Variants in ARHGEF38 observed in about 807,000 individuals in gnomAD.
ARHGEF38 encodes the protein Rho guanine nucleotide exchange factor 38, also known as Rho guanine nucleotide exchange factor (GEF) 38.
A neutral mutation model predicts 79.9 loss-of-function variants in ARHGEF38; 79 were observed. That is an observed-to-expected ratio of 0.99 (90% CI 0.82 to 1.19). ARHGEF38 has a LOEUF of 1.19. ARHGEF38 is among the 50% of genes most tolerant of loss of function. The pLI, the probability that ARHGEF38 is intolerant of heterozygous loss-of-function variation, is 0.00. For synonymous variants in ARHGEF38, 366 were observed against 328.3 expected, an observed-to-expected ratio of 1.11 and a Z score of -1.24; for missense variants, 962 against 907.2, an observed-to-expected ratio of 1.06 and a Z score of -0.78.
intron 13 of ARHGEF38, among the ~76,000 whole-genome samples, chr4:105,676,614 T>A (rs535270182): frequency 2.6e-4 from 39 of 152,356 alleles, no homozygotes; most frequent in South Asian, 2.3e-3. Context: ...ATGATTTTGT[T>A]GGAAGAATAA....
chr4:105,552,894 T>TG lies in ARHGEF38; in HGVS notation c.133dup (p.Asp45GlyfsTer12). The TG allele has an allele frequency of 6.2e-7, 1 of 1,613,938 alleles. No homozygotes were observed. The highest frequency in any genetic ancestry group is 1.3e-5 in the African/African-American group (1 of 75,032). ...ACACTGTGGTTGAGAGCAGTGTTTC[T>TG]GGGGACCACTCTGGCACCTTGAGGA... is the stretch of plus-strand genomic sequence containing the variant. On this transcript the variant is annotated frameshift_variant, in exon 1 of 14. Transcript: ENST00000420470. LOFTEE classifies it high-confidence loss of function.
intron 10 of ARHGEF38, 62 bp downstream of exon 10, chr4:105,659,427 C>A: frequency 1.4e-6 from 2 of 1,452,626 alleles, no homozygotes; most frequent in Non-Finnish European, 1.8e-6. Flanking sequence ...AGAAACCACA[C>A]CCATACGAAA....
At position 105,589,264 on chromosome 4, in the gene ARHGEF38, G is replaced by C. The variant is rs1727204641; in HGVS notation, c.213G>C (p.Gln71His). The C allele has an allele frequency of 1.2e-6, 2 of 1,613,184 alleles. No individual in the cohort carries two copies. The highest frequency in any genetic ancestry group is 3.3e-4 in the Middle Eastern group (2 of 6,056). Residue 71 changes from glutamine (Q) to histidine (H), a missense_variant, in exon 2 of 14, where the codon CAG (glutamine) becomes CAC (histidine). Physicochemically the swap from Gln to His is conservative, Grantham distance 24 (BLOSUM62 0). Coordinates refer to ENST00000420470, the MANE Select transcript of ARHGEF38 (RefSeq NM_001242729.2). ...ATTTAACAGAAAAGATGACTCCACA[G>C]GGTGAGTGTTCTGTAGCTGAGACCT... ...NQKLQEKMTP[Q>H]GECSVAETLT...
intron 10 of ARHGEF38, among the ~76,000 whole-genome samples, chr4:105,659,789 T>G (rs1270710440): frequency 2.0e-5 from 3 of 151,960 alleles, no homozygotes; most frequent in African/African-American, 7.3e-5. Flanking sequence ...AGATGCAGGA[T>G]AACATTCAAA....
At chr4:105,626,561 G>A (rs1041685975) in intron 3 of ARHGEF38, among the ~76,000 whole-genome samples, 1 of 152,106 alleles carries the variant, frequency 6.6e-6, no homozygotes, top group Non-Finnish European at 1.5e-5. Flanking sequence ...GTCGACTCCA[G>A]TGCACTCTCT....
intron 7 of ARHGEF38, among the ~76,000 whole-genome samples, chr4:105,652,067 C>T (rs577894819): frequency 2.6e-4 from 40 of 152,316 alleles, no homozygotes; most frequent in Middle Eastern, 3.4e-3. Context: ...GCAGAGCCAG[C>T]TGCAAGGGAG....
Position 105,580,091 on chromosome 4 carries a change from A to G in ARHGEF38, c.197-9157A>G, listed in dbSNP as rs551122636. On this transcript the variant is annotated intron_variant, in intron 1 of 13. Transcript: ENST00000420470. ...GGTATTACCTCTTTTGCCATTGCCA[A>G]TTGTGTTCATTTGGATCTTTTTTCT... Among the ~76,000 whole-genome samples the G allele has an allele frequency of 1.1e-4, 12 of 106,988 alleles. No individual in the cohort carries two copies. In the East Asian group the frequency reaches 2.4e-3, roughly 21 times the overall value. 70.2% of individuals were successfully genotyped at this position (106,988 alleles called of 152,430 possible).
At chr4:105,651,739 C>G (rs1730113678) in intron 7 of ARHGEF38, among the ~76,000 whole-genome samples, 1 of 152,116 alleles carries the variant, frequency 6.6e-6, no homozygotes, top group Non-Finnish European at 1.5e-5. Flanking sequence ...GCTGCAGCCT[C>G]AAACTCCTGG....
chr4:105,663,767 C>T (rs1277468729), intron 10 of ARHGEF38, among the ~76,000 whole-genome samples: 1 of 152,056 alleles, frequency 6.6e-6, no homozygotes, highest in African/African-American at 2.4e-5. Flanking sequence ...GCCGAGAGTT[C>T]AAGACCAGCC....
At position 105,553,007 on chromosome 4, in the gene ARHGEF38, C is replaced by T. The variant is rs1301972084; in HGVS notation, c.196+46C>T. Reference sequence around the variant, plus strand: ...TGTCCCAGTTACTGCACTCCCAGCTCCATTTCTGCTACGTTTCCAATTGCA... The same window carrying T: ...TGTCCCAGTTACTGCACTCCCAGCTTCATTTCTGCTACGTTTCCAATTGCA... On this transcript the variant is annotated intron_variant, in intron 1 of 13. Coordinates refer to ENST00000420470, the MANE Select transcript of ARHGEF38 (RefSeq NM_001242729.2). 2.1e-6 allele frequency: 3 copies of T among 1,455,316 alleles called. No individual in the cohort carries two copies. In the African/African-American group the frequency reaches 4.3e-5, roughly 21 times the overall value. The allele number at this position is 1,455,316 out of a possible 1,614,324, so 90.2% of individuals were successfully genotyped here.
chr4:105,567,035 C>A (rs2866794), intron 1 of ARHGEF38, among the ~76,000 whole-genome samples: 1 of 152,202 alleles, frequency 6.6e-6, no homozygotes, highest in Non-Finnish European at 1.5e-5. Flanking sequence ...TTACACACCT[C>A]GCCTGCCATC....
At chr4:105,644,664 G>T (rs746346979) in intron 5 of ARHGEF38, among the ~76,000 whole-genome samples, 1 of 152,210 alleles carries the variant, frequency 6.6e-6, no homozygotes, top group Admixed American at 6.5e-5. Flanking sequence ...TTTATCAGAA[G>T]TCCCTTTTGG....
chr4:105,676,359 T>C (rs1363202838), intron 13 of ARHGEF38, among the ~76,000 whole-genome samples: 1 of 152,226 alleles, frequency 6.6e-6, no homozygotes, highest in Non-Finnish European at 1.5e-5. Context: ...CACCATTAGC[T>C]GATGTATCAT....
At chr4:105,665,650 G>A (rs1009568961) in intron 10 of ARHGEF38, among the ~76,000 whole-genome samples, 1 of 152,032 alleles carries the variant, frequency 6.6e-6, no homozygotes, top group Non-Finnish European at 1.5e-5. Flanking sequence ...TGCCCAGGCT[G>A]GTCTCAAATT....
At chr4:105,557,289 T>G (rs541545419) in intron 1 of ARHGEF38, among the ~76,000 whole-genome samples, 2 of 152,140 alleles carry the variant, frequency 1.3e-5, no homozygotes, top group Admixed American at 1.3e-4. Context: ...CTTGTATGTG[T>G]TCGTGTGTGT....
At chr4:105,607,847 CA>C (rs1249898504) in intron 2 of ARHGEF38, among the ~76,000 whole-genome samples, 1 of 152,056 alleles carries the variant, frequency 6.6e-6, no homozygotes, top group Non-Finnish European at 1.5e-5. Flanking sequence ...CAAGAGTTAA[CA>C]AGACTTTGCC....
In ARHGEF38 at chr4:105,626,988, T is replaced by C. The variant is rs909491069; in HGVS notation, c.509-3910T>C. Among the ~76,000 whole-genome samples the C allele has an allele frequency of 3.9e-5, 6 of 152,208 alleles. No individual in the cohort carries two copies. The South Asian group carries it at 1.2e-3, about 32-fold the overall frequency. On this transcript the variant is annotated intron_variant, in intron 3 of 13. Coordinates refer to ENST00000420470, the MANE Select transcript of ARHGEF38 (RefSeq NM_001242729.2). Reference sequence around the variant, plus strand: ...GTCCTATGTCAAAAGTACACTGTTATGAGTGTTGCTCAAAGCTCCCCAAGG... The same window carrying C: ...GTCCTATGTCAAAAGTACACTGTTACGAGTGTTGCTCAAAGCTCCCCAAGG...
At chr4:105,589,493 A>G in intron 2 of ARHGEF38, 58 bp downstream of exon 2, 1 of 1,474,116 alleles carries the variant, frequency 6.8e-7, no homozygotes, top group Non-Finnish European at 9.1e-7. Context: ...GATCACTAGC[A>G]CCATGAAATT....
intron 6 of ARHGEF38, among the ~76,000 whole-genome samples, chr4:105,648,280 C>T (rs1233309953): frequency 1.3e-5 from 2 of 151,878 alleles, no homozygotes; most frequent in East Asian, 3.9e-4. Context: ...GAACTTTTTT[C>T]TAGTATCAGG....
Sources: allele counts gnomAD v4.1 joint callset (sites outside exome capture counted in the v4.1 genomes callset), GRCh38; gene constraint gnomAD v4.1.1; transcripts MANE v1.5; gene names NCBI Gene and HGNC (gene_info 2026-07-23, HGNC 2026-07-21).